MOGAT1: variants seen among roughly 807,000 people sequenced by gnomAD.
The protein encoded by MOGAT1 is 2-acylglycerol O-acyltransferase 1.
A neutral mutation model predicts 31.4 loss-of-function variants in MOGAT1; 32 were observed. That is an observed-to-expected ratio of 1.02 (90% CI 0.77 to 1.37). The LOEUF is 1.37. MOGAT1 is among the 40% of genes most tolerant of loss of function. The pLI is 0.00. For synonymous variants in MOGAT1, 145 were observed against 144.5 expected (o/e 1.00, Z -0.03); for missense variants, 426 against 402.0 (o/e 1.06, Z -0.51).
At chr2:222,700,733 G>C (rs893295377) in intron 5 of MOGAT1, among the ~76,000 whole-genome samples, 3 of 152,098 alleles carry the variant, frequency 2.0e-5, no homozygotes, top group African/African-American at 7.2e-5. Flanking sequence ...CATAAAAAAA[G>C]TAAAGCCATG....
intron 1 of MOGAT1, among the ~76,000 whole-genome samples, chr2:222,687,261 A>G (rs1574972368): frequency 1.3e-5 from 2 of 151,916 alleles, no homozygotes; most frequent in Non-Finnish European, 2.9e-5. Flanking sequence ...ACTTTGGTGG[A>G]TCATTTGGGG....
At chr2:222,681,865 GA>G (rs1692585580) in intron 1 of MOGAT1, among the ~76,000 whole-genome samples, 1 of 152,162 alleles carries the variant, frequency 6.6e-6, no homozygotes, top group Admixed American at 6.5e-5. Flanking sequence ...TGTTGATCAG[GA>G]AATTACAACC....
intron 5 of MOGAT1, among the ~76,000 whole-genome samples, chr2:222,708,710 G>A (rs1000565424): frequency 6.6e-5 from 10 of 152,156 alleles, no homozygotes; most frequent in South Asian, 2.1e-4. Context: ...CACTAAAAAC[G>A]TATAATACTT....
At chr2:222,704,541 G>T (rs1045533970) in intron 5 of MOGAT1, among the ~76,000 whole-genome samples, 6 of 151,838 alleles carry the variant, frequency 4.0e-5, no homozygotes, top group Non-Finnish European at 8.8e-5. Flanking sequence ...GGAGAGTGGC[G>T]TGAACCCGGG....
chr2:222,701,520 GAAAA>G (rs1429284009), intron 5 of MOGAT1, among the ~76,000 whole-genome samples: 1 of 99,808 alleles, frequency 1.0e-5, no homozygotes, highest in East Asian at 2.4e-4. Context: ...GGAAGGAAGG[GAAAA>G]GAAAGAAAGA....
intron 5 of MOGAT1, among the ~76,000 whole-genome samples, chr2:222,697,066 C>A (rs1692846980): frequency 6.6e-6 from 1 of 151,960 alleles, no homozygotes; most frequent in Non-Finnish European, 1.5e-5. Flanking sequence ...AAACAAAAAA[C>A]CCAGGAGCAA....
intron 1 of MOGAT1, among the ~76,000 whole-genome samples, chr2:222,680,026 AG>A (rs141785908): frequency 0.019 from 2,927 of 152,174 alleles, 88 homozygotes; most frequent in African/African-American, 0.066. Flanking sequence ...TCTCGGTAAA[AG>A]CTCTCCTTCT....
At chr2:222,702,099 A>T (rs1406800225) in intron 5 of MOGAT1, among the ~76,000 whole-genome samples, 1 of 152,196 alleles carries the variant, frequency 6.6e-6, no homozygotes, top group Non-Finnish European at 1.5e-5. Context: ...TCCCTGTGTA[A>T]GTAACTTGCC....
chr2:222,689,270 C>T lies in MOGAT1; in HGVS notation c.279C>T (p.Ile93=), dbSNP rs1394464321. The change falls in exon 3 of 6, where the codon ATC becomes ATT. Residue 93 remains isoleucine, a synonymous_variant. Coordinates refer to ENST00000446656, the MANE Select transcript of MOGAT1 (RefSeq NM_058165.3). Reference sequence around the variant, plus strand: ...TCAATATGAATGTGCTGTAGCTTATCAAAACTCAAGATTTGGATCCAAGTC... The same window carrying T: ...TCAATATGAATGTGCTGTAGCTTATTAAAACTCAAGATTTGGATCCAAGTC... The part of the protein sequence containing the change: ...HFKDYFPIHL[I]KTQDLDPSHN... The T allele has an allele frequency of 4.3e-6, 7 of 1,612,172 alleles. No individual in the cohort carries two copies. Among genetic ancestry groups the T allele is most frequent in the Non-Finnish European group, 5.1e-6 (6 of 1,178,782 alleles).
chr2:222,680,605 C>T (rs751367680), intron 1 of MOGAT1, among the ~76,000 whole-genome samples: 24 of 152,046 alleles, frequency 1.6e-4, no homozygotes, highest in Non-Finnish European at 3.1e-4. Context: ...CACTTACATT[C>T]TTATATTCTA....
chr2:222,709,834 G>A lies in MOGAT1; in HGVS notation c.952G>A (p.Glu318Lys). ...TATGGAGGAACTTAGGAAATTGTTT[G>A]AGGAACACAAAGGAAAGTATGGCAT... Reference protein sequence around the residue: ...TYMEELRKLFEEHKGKYGIPE... With the variant: ...TYMEELRKLFKEHKGKYGIPE... The change falls in exon 6 of 6, where the codon GAG (glutamate) becomes AAG (lysine). Residue 318 changes from glutamate to lysine, a missense_variant. By Grantham distance (56) the Glu-to-Lys change is moderately conservative (BLOSUM62 1). Transcript: ENST00000446656. 1 of 1,613,554 alleles carries A rather than the reference G, an allele frequency of 6.2e-7. No individual in the cohort carries two copies. Among genetic ancestry groups the A allele is most frequent in the Non-Finnish European group, 8.5e-7 (1 of 1,179,654 alleles).
At chr2:222,705,721 G>GT (rs1273036063) in intron 5 of MOGAT1, among the ~76,000 whole-genome samples, 3 of 152,008 alleles carry the variant, frequency 2.0e-5, no homozygotes, top group Admixed American at 6.6e-5. Flanking sequence ...GTCTTGCTAG[G>GT]TTTTTCCGGG....
intron 5 of MOGAT1, among the ~76,000 whole-genome samples, chr2:222,700,872 G>A (rs189686252): frequency 1.3e-5 from 2 of 152,288 alleles, no homozygotes; most frequent in East Asian, 3.9e-4. Flanking sequence ...ACTCCCTGAC[G>A]TGAATTCTCC....
At chr2:222,680,048 A>G (rs1692555106) in intron 1 of MOGAT1, among the ~76,000 whole-genome samples, 1 of 152,220 alleles carries the variant, frequency 6.6e-6, no homozygotes, top group Non-Finnish European at 1.5e-5. Context: ...ATTTTGCAGA[A>G]TGGAGGCTGC....
intron 5 of MOGAT1, among the ~76,000 whole-genome samples, chr2:222,707,501 C>T (rs892338207): frequency 6.6e-6 from 1 of 152,108 alleles, no homozygotes; most frequent in African/African-American, 2.4e-5. Flanking sequence ...AGGGCACTTA[C>T]TGGTGAGCTG....
intron 1 of MOGAT1, among the ~76,000 whole-genome samples, chr2:222,673,331 C>CAAAAAAGAAAA (rs1692449552): frequency 9.8e-6 from 1 of 102,238 alleles, no homozygotes; most frequent in African/African-American, 4.4e-5. Flanking sequence ...TAGAATTTAC[C>CAAAAAAGAAAA]AAAAAAAAAA....
intron 1 of MOGAT1, among the ~76,000 whole-genome samples, chr2:222,679,648 A>G (rs1692549825): frequency 6.6e-6 from 1 of 152,236 alleles, no homozygotes; most frequent in Non-Finnish European, 1.5e-5. Context: ...TCCCTTACTA[A>G]TGTCCTGTAT....
intron 5 of MOGAT1, among the ~76,000 whole-genome samples, chr2:222,709,437 GAC>G (rs1278282852): frequency 6.6e-6 from 1 of 152,204 alleles, no homozygotes; most frequent in Non-Finnish European, 1.5e-5. Flanking sequence ...TGGTGACGTG[GAC>G]ACACAGCTAT....
rs372241238 is a variant in MOGAT1, at chr2:222,688,448, C to A, written c.199C>A (p.Arg67=). The change falls in exon 2 of 6, where the codon CGA becomes AGA. Residue 67 remains arginine, a synonymous_variant. Transcript: ENST00000446656. The stretch of plus-strand genomic sequence containing the variant: ...TTACTTTGACTGGCATACCCCAGAG[C>A]GAGGAGGCAGGAGATCCAGCTGGAT... ...WLYFDWHTPE[R]GGRRSSWIKN... 1.2e-6 allele frequency: 2 copies of A among 1,613,532 alleles called. No individual in the cohort carries two copies. Among genetic ancestry groups the A allele is most frequent in the South Asian group, 1.1e-5 (1 of 91,010 alleles).
Sources: allele counts gnomAD v4.1 joint callset (sites outside exome capture counted in the v4.1 genomes callset), GRCh38; gene constraint gnomAD v4.1.1; transcripts MANE v1.5; gene names NCBI Gene and HGNC (gene_info 2026-07-23, HGNC 2026-07-21).